The following KHDRBS2 variants were observed in gnomAD, a reference collection of about 807,000 sequenced individuals.
KHDRBS2 encodes KH domain-containing, RNA-binding, signal transduction-associated protein 2.
Under a neutral mutation model 44.3 loss-of-function variants are expected in KHDRBS2, and 26 were observed. The ratio of observed to expected loss-of-function variants is 0.59; its 90% confidence interval spans 0.43 to 0.81. The LOEUF (loss-of-function observed/expected upper bound fraction) is 0.81. KHDRBS2 is among the 40% of genes least tolerant of loss of function. KHDRBS2 has a pLI of 0.00. For synonymous variants in KHDRBS2, 194 were observed against 151.1 expected (o/e 1.28, Z -2.08); for missense variants, 476 against 433.1 (o/e 1.10, Z -0.88).
At chr6:62,242,871 T>C (rs1237751020) in intron 1 of KHDRBS2, among the ~76,000 whole-genome samples, 1 of 152,204 alleles carries the variant, frequency 6.6e-6, no homozygotes, top group Non-Finnish European at 1.5e-5. Context: ...CCACATGTTT[T>C]GCCTGCAGGA....
At chr6:61,909,361 G>A (rs935276050) in intron 4 of KHDRBS2, among the ~76,000 whole-genome samples, 14 of 152,200 alleles carry the variant, frequency 9.2e-5, no homozygotes, top group Non-Finnish European at 1.5e-4. Flanking sequence ...GAGCCACCGT[G>A]CCTGGCCTCA....
chr6:61,698,505 T>A (rs1447404485), intron 7 of KHDRBS2, among the ~76,000 whole-genome samples: 1 of 152,138 alleles, frequency 6.6e-6, no homozygotes, highest in Non-Finnish European at 1.5e-5. Flanking sequence ...ATGCTATCCT[T>A]CTAAGTGGTT....
At chr6:61,953,222 T>C (rs560343344) in intron 4 of KHDRBS2, among the ~76,000 whole-genome samples, 1 of 152,194 alleles carries the variant, frequency 6.6e-6, no homozygotes, top group African/African-American at 2.4e-5. Context: ...GAGAAGCAAT[T>C]ATCATTTCTG....
intron 6 of KHDRBS2, among the ~76,000 whole-genome samples, chr6:61,739,280 C>T (rs1194658477): frequency 2.0e-5 from 3 of 151,944 alleles, no homozygotes; most frequent in African/African-American, 4.8e-5. Flanking sequence ...TATTGATAAA[C>T]ATGTATGGTT....
chr6:62,073,516 TTTTTTTC>T (rs906824890), intron 2 of KHDRBS2, among the ~76,000 whole-genome samples: 2 of 139,192 alleles, frequency 1.4e-5, no homozygotes, highest in Non-Finnish European at 3.1e-5. Context: ...GGTTTGGTGA[TTTTTTTC>T]TTTTTTCTTT....
At chr6:61,753,349 C>T (rs1253119341) in intron 6 of KHDRBS2, among the ~76,000 whole-genome samples, 1 of 152,112 alleles carries the variant, frequency 6.6e-6, no homozygotes, top group Non-Finnish European at 1.5e-5. Flanking sequence ...CAAAGGAGGA[C>T]CCTAATTAGC....
intron 4 of KHDRBS2, among the ~76,000 whole-genome samples, chr6:61,924,948 T>C (rs1236577254): frequency 6.6e-6 from 1 of 152,126 alleles, no homozygotes; most frequent in Non-Finnish European, 1.5e-5. Flanking sequence ...GGTCGGACAT[T>C]CATAGGTTGA....
intron 8 of KHDRBS2, among the ~76,000 whole-genome samples, chr6:61,688,247 C>T (rs1767029250): frequency 6.6e-6 from 1 of 151,634 alleles, no homozygotes; most frequent in Non-Finnish European, 1.5e-5. Flanking sequence ...GACAAAGAAG[C>T]TAGCTAGAGA....
chr6:62,143,126 G>A (rs1813211326), intron 2 of KHDRBS2, among the ~76,000 whole-genome samples: 1 of 151,734 alleles, frequency 6.6e-6, no homozygotes, highest in Non-Finnish European at 1.5e-5. Flanking sequence ...TAAAAACGAT[G>A]GGAAAATACA....
intron 4 of KHDRBS2, among the ~76,000 whole-genome samples, chr6:61,931,046 G>A (rs1442366347): frequency 6.6e-6 from 1 of 151,462 alleles, no homozygotes; most frequent in Non-Finnish European, 1.5e-5. Context: ...ATAATAATGT[G>A]AATCAACAAA....
intron 1 of KHDRBS2, among the ~76,000 whole-genome samples, chr6:62,184,472 T>C (rs1823022602): frequency 6.6e-6 from 1 of 151,726 alleles, no homozygotes; most frequent in Non-Finnish European, 1.5e-5. Context: ...TCAAAGAGCA[T>C]ATATAATACA....
chr6:61,813,372 T>C (rs1481422717), intron 6 of KHDRBS2, among the ~76,000 whole-genome samples: 2 of 152,152 alleles, frequency 1.3e-5, no homozygotes, highest in African/African-American at 2.4e-5. Context: ...ATATAGTTTG[T>C]TAAACTAGGT....
At chr6:61,926,626 A>T (rs1432579971) in intron 4 of KHDRBS2, among the ~76,000 whole-genome samples, 2 of 152,146 alleles carry the variant, frequency 1.3e-5, no homozygotes, top group Admixed American at 6.6e-5. Context: ...TTGGGCCAGT[A>T]ATCATCTTTA....
chr6:61,774,086 C>T (rs978854791), intron 6 of KHDRBS2, among the ~76,000 whole-genome samples: 2 of 152,148 alleles, frequency 1.3e-5, no homozygotes, highest in African/African-American at 4.8e-5. Context: ...ATGATGCCTC[C>T]AGCTTTGTTC....
intron 4 of KHDRBS2, among the ~76,000 whole-genome samples, chr6:61,946,744 A>G (rs556586312): frequency 4.6e-5 from 7 of 152,152 alleles, no homozygotes; most frequent in Admixed American, 6.6e-5. Flanking sequence ...GGAAGTGCCA[A>G]TGGAAGTTAG....
chr6:61,746,916 G>T (rs1002739713), intron 6 of KHDRBS2, among the ~76,000 whole-genome samples: 13 of 151,482 alleles, frequency 8.6e-5, no homozygotes, highest in African/African-American at 3.2e-4. Context: ...CACAGCAAAA[G>T]AAACTACCAT....
chr6:62,101,822 C>A (rs1049247622), intron 2 of KHDRBS2, among the ~76,000 whole-genome samples: 3 of 152,198 alleles, frequency 2.0e-5, no homozygotes, highest in African/African-American at 7.2e-5. Flanking sequence ...GCAAATACCA[C>A]ATGACTTTCT....
At chr6:62,202,563 G>T (rs1563056508) in intron 1 of KHDRBS2, among the ~76,000 whole-genome samples, 2 of 151,828 alleles carry the variant, frequency 1.3e-5, no homozygotes, top group Non-Finnish European at 2.9e-5. Context: ...GAATAAAATA[G>T]AACAAAGTCT....
chr6:61,925,840 G>A (rs1406015342), intron 4 of KHDRBS2, among the ~76,000 whole-genome samples: 4 of 152,020 alleles, frequency 2.6e-5, no homozygotes, highest in African/African-American at 9.7e-5. Flanking sequence ...CCAGTGTTGT[G>A]CTGCAATAGT....
Sources: gnomAD v4.1 joint callset for allele counts (sites outside exome capture counted in the v4.1 genomes callset) on GRCh38, gnomAD v4.1.1 for gene constraint, MANE v1.5 for transcripts, NCBI Gene and HGNC (gene_info 2026-07-23, HGNC 2026-07-21) for gene names.